The following DISC1 variants were observed in gnomAD, a reference collection of about 807,000 sequenced individuals.
DISC1 encodes DISC1 scaffold protein, also known as disrupted in schizophrenia 1 protein.
Under a neutral mutation model 84.5 loss-of-function variants are expected in DISC1, and 57 were observed. The ratio of observed to expected loss-of-function variants is 0.67; its 90% CI spans 0.55 to 0.84. The LOEUF is 0.84. Among genes scored for constraint, DISC1 ranks in the 40% least tolerant of loss-of-function variants. The pLI is 0.00. For missense variants in DISC1, 1,000 were observed against 1,057.8 expected, an observed-to-expected ratio of 0.95 and a Z score of 0.76; for synonymous variants, 411 against 415.2, an observed-to-expected ratio of 0.99 and a Z score of 0.12.
chr1:231,684,299 C>T (rs2125577287), intron 1 of DISC1, among the ~76,000 whole-genome samples: 1 of 151,532 alleles, frequency 6.6e-6, no homozygotes, highest in South Asian at 2.1e-4. Flanking sequence ...ATATATGCAC[C>T]CAACTTGAAA....
intron 1 of DISC1, among the ~76,000 whole-genome samples, chr1:231,648,778 A>C (rs1176068089): frequency 6.6e-6 from 1 of 152,134 alleles, no homozygotes; most frequent in Non-Finnish European, 1.5e-5. Context: ...TTCCTGGTTT[A>C]GTCTTGGGAG....
intron 1 of DISC1, among the ~76,000 whole-genome samples, chr1:231,668,274 C>T (rs1301544974): frequency 6.6e-6 from 1 of 152,044 alleles, no homozygotes; most frequent in Admixed American, 6.5e-5. Flanking sequence ...TTTAAGTATA[C>T]AATGCAGTGT....
At chr1:231,849,910 G>A (rs559577287) in intron 9 of DISC1, among the ~76,000 whole-genome samples, 1 of 152,242 alleles carries the variant, frequency 6.6e-6, no homozygotes, top group Admixed American at 6.5e-5. Flanking sequence ...TAGTGTCTTC[G>A]ATCCTTATTG....
chr1:231,630,784 T>A lies in DISC1; in HGVS notation c.67+3850T>A, dbSNP rs772335757. Among the ~76,000 whole-genome samples the A allele has an allele frequency of 6.6e-6, 1 of 152,190 alleles. No homozygotes were observed. Among genetic ancestry groups the A allele is most frequent in the East Asian group, 1.9e-4 (1 of 5,200 alleles). On this transcript the variant is annotated intron_variant, in intron 1 of 12. Transcript: ENST00000439617. This position sits in a 1 kb window ranked among gnomAD's most constrained non-coding sequence, Gnocchi z 4.4. ...AGATGCTTTAGCCGTTCAGAATCCATTTTTTCTTTCAAAACCAGAGTTCAC... is the reference window on the plus strand; with the variant it reads ...AGATGCTTTAGCCGTTCAGAATCCAATTTTTCTTTCAAAACCAGAGTTCAC...
intron 4 of DISC1, among the ~76,000 whole-genome samples, chr1:231,761,138 C>T (rs1412118454): frequency 1.3e-5 from 2 of 152,064 alleles, no homozygotes; most frequent in South Asian, 2.1e-4. Flanking sequence ...GGGGTGGTGC[C>T]GATGGAGACC....
At chr1:231,798,256 G>T (rs989194791) in intron 7 of DISC1, among the ~76,000 whole-genome samples, 2 of 152,080 alleles carry the variant, frequency 1.3e-5, no homozygotes, top group African/African-American at 4.8e-5. Flanking sequence ...GTAATTAAGG[G>T]ATAAATGAGA....
chr1:231,805,500 G>A (rs908717381), intron 8 of DISC1, among the ~76,000 whole-genome samples: 1 of 152,052 alleles, frequency 6.6e-6, no homozygotes, highest in African/African-American at 2.4e-5. Flanking sequence ...GGGTGGGGGA[G>A]GTGCCACGCA....
intron 9 of DISC1, among the ~76,000 whole-genome samples, chr1:231,829,267 A>AT (rs796555879): frequency 6.6e-6 from 1 of 152,210 alleles, no homozygotes; most frequent in Non-Finnish European, 1.5e-5. Context: ...AATAAGCATT[A>AT]TTTTTTAAAA....
rs571611692 is a variant in DISC1 at position 231,707,151 on chromosome 1, C to G, written c.1117+5127C>G. On this transcript the variant is annotated intron_variant, in intron 3 of 12. Coordinates refer to ENST00000439617, the MANE Select transcript of DISC1 (RefSeq NM_018662.3). ...AGAATCAATGGGATGTGGATGCCATCTGGGGGCCCATGGAACATAAATGCT... is the reference window on the plus strand; with the variant it reads ...AGAATCAATGGGATGTGGATGCCATGTGGGGGCCCATGGAACATAAATGCT... 7.2e-5 allele frequency among the ~76,000 whole-genome samples: 11 copies of G among 152,334 alleles called. No individual in the cohort carries two copies. The East Asian group carries it at 2.1e-3, about 29-fold the overall frequency.
intron 9 of DISC1, among the ~76,000 whole-genome samples, chr1:231,850,297 G>A (rs1301759705): frequency 6.6e-6 from 1 of 152,236 alleles, no homozygotes; most frequent in Non-Finnish European, 1.5e-5. Context: ...AGACGGAGGC[G>A]TGAGGTAGGA....
chr1:232,025,745 C>T (rs532698911), intron 11 of DISC1, among the ~76,000 whole-genome samples: 75 of 152,146 alleles, frequency 4.9e-4, no homozygotes, highest in Non-Finnish European at 7.9e-4. Context: ...TACAGGCGCC[C>T]GCCACTACGC....
At chr1:231,833,553 G>A (rs1300089174) in intron 9 of DISC1, among the ~76,000 whole-genome samples, 1 of 151,784 alleles carries the variant, frequency 6.6e-6, no homozygotes, top group Non-Finnish European at 1.5e-5. Flanking sequence ...GGGAGTGGCT[G>A]CCAGGTGAGT....
At chr1:232,011,703 CTG>C (rs35665039) in intron 11 of DISC1, among the ~76,000 whole-genome samples, 5,282 of 152,162 alleles carry the variant, frequency 0.035, 295 homozygotes, top group African/African-American at 0.12. Flanking sequence ...AGTTACGTGA[CTG>C]TGTGTATGTC....
At chr1:231,985,197 A>G (rs535802696) in intron 10 of DISC1, among the ~76,000 whole-genome samples, 2 of 151,998 alleles carry the variant, frequency 1.3e-5, no homozygotes, top group East Asian at 3.9e-4. Flanking sequence ...ATGGTGGTGC[A>G]TGCCTGTAAT....
chr1:231,984,461 G>A (rs1664114623), intron 10 of DISC1, among the ~76,000 whole-genome samples: 1 of 152,144 alleles, frequency 6.6e-6, no homozygotes, highest in Non-Finnish European at 1.5e-5. Flanking sequence ...TCACTCAGAA[G>A]ATCTTGATAA....
chr1:231,988,455 A>G (rs941184381), intron 10 of DISC1, among the ~76,000 whole-genome samples: 12 of 152,200 alleles, frequency 7.9e-5, no homozygotes, highest in African/African-American at 2.7e-4. Flanking sequence ...CCCCAGTGCA[A>G]TGATGTTAAG....
intron 6 of DISC1, among the ~76,000 whole-genome samples, chr1:231,782,649 T>C (rs748237093): frequency 1.3e-5 from 2 of 152,092 alleles, no homozygotes; most frequent in Non-Finnish European, 2.9e-5. Flanking sequence ...TAAATATAAA[T>C]GCAAATGGCT....
At chr1:231,701,080 C>T (rs1379847005) in intron 2 of DISC1, among the ~76,000 whole-genome samples, 2 of 152,140 alleles carry the variant, frequency 1.3e-5, no homozygotes, top group Non-Finnish European at 2.9e-5. Context: ...AGAGGTTTAA[C>T]GGACTCACAG....
intron 3 of DISC1, among the ~76,000 whole-genome samples, chr1:231,716,224 T>C (rs1338338057): frequency 4.8e-5 from 7 of 147,306 alleles, no homozygotes; most frequent in Non-Finnish European, 7.4e-5. Context: ...TTAGTGCCAA[T>C]AGCGTGCAGA....
Sources: allele counts gnomAD v4.1 joint callset (sites outside exome capture counted in the v4.1 genomes callset), GRCh38; gene constraint gnomAD v4.1.1; non-coding constraint Gnocchi (gnomAD v3.1); transcripts MANE v1.5; gene names NCBI Gene and HGNC (gene_info 2026-07-23, HGNC 2026-07-21).